ASB7: variants seen among roughly 807,000 people sequenced by gnomAD.
The protein encoded by ASB7 is ankyrin repeat and SOCS box containing 7.
ASB7 carries 4 observed loss-of-function variants against 32.5 expected under a neutral mutation model. The observed-to-expected ratio is 0.12, with a 90% CI of 0.06 to 0.28. The LOEUF (loss-of-function observed/expected upper bound fraction) is 0.28. Among genes scored for constraint, ASB7 ranks in the 10% least tolerant of loss-of-function variants. The pLI is 1.00. For missense variants in ASB7, 181 were observed against 407.1 expected (o/e 0.44, Z 4.78); for synonymous variants, 172 against 155.6 (o/e 1.11, Z -0.78).
chr15:100,611,438 C>T (rs1046208831), intron 3 of ASB7, among the ~76,000 whole-genome samples: 5 of 143,580 alleles, frequency 3.5e-5, no homozygotes, highest in East Asian at 2.1e-4. Flanking sequence ...ACTACTTTTC[C>T]TTTTAGTAAT....
At chr15:100,622,481 A>G (rs2039802761) in intron 4 of ASB7, among the ~76,000 whole-genome samples, 1 of 152,200 alleles carries the variant, frequency 6.6e-6, no homozygotes, top group Non-Finnish European at 1.5e-5. Flanking sequence ...GGAACCAAAA[A>G]AGAGCCCAAA....
At position 100,602,888 on chromosome 15, in the gene ASB7, T is replaced by A; in HGVS notation, c.-431T>A. ...CGGCCGGGATCGCCACCTCCTGCCT[T>A]CTCGGCTGTTCGGATGTTCGCCGGG... On this transcript the variant is annotated 5_prime_UTR_variant, in exon 1 of 6. Coordinates refer to ENST00000332783, the MANE Select transcript of ASB7 (RefSeq NM_198243.3). The A allele has an allele frequency of 2.5e-6, 1 of 397,724 alleles. No individual in the cohort carries two copies. The highest frequency in any genetic ancestry group is 4.4e-6 in the Non-Finnish European group (1 of 225,696). 24.6% of individuals were successfully genotyped at this position (397,724 alleles called of 1,614,324 possible).
At chr15:100,618,304 G>C (rs940077098) in intron 4 of ASB7, among the ~76,000 whole-genome samples, 1 of 151,714 alleles carries the variant, frequency 6.6e-6, no homozygotes, top group Non-Finnish European at 1.5e-5. Flanking sequence ...TAGTAGAGAC[G>C]GGGTTTCACC....
chr15:100,620,135 C>T (rs1567113699), intron 4 of ASB7, among the ~76,000 whole-genome samples: 1 of 152,166 alleles, frequency 6.6e-6, no homozygotes, highest in Non-Finnish European at 1.5e-5. Context: ...AACAAAACCA[C>T]AGATACTCAA....
At chr15:100,645,580 G>T in intron 5 of ASB7, 1 of 708,036 alleles carries the variant, frequency 1.4e-6, no homozygotes. Flanking sequence ...ACAGCTTGAC[G>T]GTGTTATATA....
chr15:100,632,980 G>A (rs1218363434), intron 5 of ASB7, among the ~76,000 whole-genome samples: 2 of 151,790 alleles, frequency 1.3e-5, no homozygotes, highest in South Asian at 4.2e-4. Flanking sequence ...CCTACAGCCA[G>A]CCCGCTGTCC....
At chr15:100,646,628 T>C (rs2039998860) in intron 5 of ASB7, 2 of 293,888 alleles carry the variant, frequency 6.8e-6, no homozygotes, top group East Asian at 8.2e-5. Flanking sequence ...TTGTGATCAG[T>C]GTAGAAGCTT....
chr15:100,645,885 C>T (rs2039994173), intron 5 of ASB7: 56 of 779,334 alleles, frequency 7.2e-5, no homozygotes, highest in South Asian at 6.9e-4. Context: ...CATCTGACCA[C>T]AGCACTGAGG....
intron 5 of ASB7, among the ~76,000 whole-genome samples, chr15:100,647,445 T>G (rs768212422): frequency 3.9e-5 from 6 of 152,244 alleles, no homozygotes; most frequent in Non-Finnish European, 7.3e-5. Context: ...ATGTTTAATA[T>G]GAAAGCAAAA....
intron 5 of ASB7, among the ~76,000 whole-genome samples, chr15:100,646,891 T>G (rs1296463145): frequency 6.6e-6 from 1 of 152,214 alleles, no homozygotes; most frequent in Non-Finnish European, 1.5e-5. Flanking sequence ...GTCAGTTTTT[T>G]CCAGAGACGA....
intron 5 of ASB7, among the ~76,000 whole-genome samples, chr15:100,633,383 C>T (rs2039898641): frequency 6.6e-6 from 1 of 151,986 alleles, no homozygotes; most frequent in Admixed American, 6.5e-5. Context: ...TTGAGGCCAG[C>T]CTGGCCAACG....
chr15:100,629,320 C>T lies in ASB7; in HGVS notation c.212-117C>T. 1 of 886,132 alleles carries T rather than the reference C, an allele frequency of 1.1e-6. No individual in the cohort carries two copies. The highest frequency in any genetic ancestry group is 1.8e-6 in the Non-Finnish European group (1 of 569,038). The allele number at this position is 886,132 out of a possible 1,614,324, so 54.9% of individuals were successfully genotyped here. A position where few individuals can be genotyped will look rare whatever the true frequency, so the allele number is the denominator to read the frequency against. ...GGAAAAACGTACTTGATATTCATTACAGTGTTTGGTTGCTTCACATTTTAT... is the reference window on the plus strand; with the variant it reads ...GGAAAAACGTACTTGATATTCATTATAGTGTTTGGTTGCTTCACATTTTAT... On this transcript the variant is annotated intron_variant, in intron 4 of 5. Coordinates refer to ENST00000332783, the MANE Select transcript of ASB7 (RefSeq NM_198243.3). The surrounding 1 kb of genome is among the most constrained non-coding windows in gnomAD (Gnocchi z 6.8).
chr15:100,619,134 T>A (rs2039769338), intron 4 of ASB7, among the ~76,000 whole-genome samples: 1 of 152,106 alleles, frequency 6.6e-6, no homozygotes, highest in African/African-American at 2.4e-5. Flanking sequence ...AAGGAAGACT[T>A]CCTAGATAAA....
At chr15:100,612,619 A>C in intron 4 of ASB7, 192 bp downstream of exon 4, 1 of 619,858 alleles carries the variant, frequency 1.6e-6, no homozygotes, top group Admixed American at 3.0e-5. Context: ...GATCAGTTTT[A>C]TGAATGGATT....
chr15:100,619,764 A>G (rs2039775131), intron 4 of ASB7, among the ~76,000 whole-genome samples: 1 of 152,188 alleles, frequency 6.6e-6, no homozygotes, highest in Non-Finnish European at 1.5e-5. Flanking sequence ...TTGTGACCAT[A>G]GTTTGGGGAG....
In ASB7 at chr15:100,612,174, C is replaced by A. The variant is rs759212969; in HGVS notation, c.-43C>A. Reference sequence around the variant, plus strand: ...ACCTTCTCTTCTTAAAGGCTGATCCCCGTAACCTAATGAATCCTTTGTAAA... The same window carrying A: ...ACCTTCTCTTCTTAAAGGCTGATCCACGTAACCTAATGAATCCTTTGTAAA... On this transcript the variant is annotated 5_prime_UTR_variant, in exon 4 of 6. Coordinates refer to ENST00000332783, the MANE Select transcript of ASB7 (RefSeq NM_198243.3). 9 of 1,537,004 alleles carry A rather than the reference C, an allele frequency of 5.9e-6. No individual in the cohort carries two copies. Among genetic ancestry groups the A allele is most frequent in the South Asian group, 1.1e-5 (1 of 88,902 alleles).
rs75072625 is a variant in ASB7, at chr15:100,608,554, C to T, written c.-173-1153C>T. On this transcript the variant is annotated intron_variant, in intron 2 of 5. Coordinates refer to ENST00000332783, the MANE Select transcript of ASB7 (RefSeq NM_198243.3). ...CCTGTGTCCCTTTGACCTCCCCCACCGTGGTGTCTTTCTTTGAGCACCTCC... is the reference window on the plus strand; with the variant it reads ...CCTGTGTCCCTTTGACCTCCCCCACTGTGGTGTCTTTCTTTGAGCACCTCC... Among the ~76,000 whole-genome samples the T allele has an allele frequency of 3.3e-4, 51 of 152,246 alleles. No homozygotes were observed. The East Asian group carries it at 5.4e-3, about 16-fold the overall frequency.
chr15:100,614,231 G>A (rs1303014998), intron 4 of ASB7, among the ~76,000 whole-genome samples: 1 of 149,088 alleles, frequency 6.7e-6, no homozygotes, highest in Admixed American at 6.8e-5. Context: ...CTGAGATCAT[G>A]CCACTGCACT....
intron 5 of ASB7, among the ~76,000 whole-genome samples, chr15:100,634,729 G>A (rs968733003): frequency 2.7e-4 from 41 of 152,130 alleles, no homozygotes; most frequent in African/African-American, 8.5e-4. Context: ...TCTTGAACCC[G>A]GGAGGCTGCA....
Sources: gnomAD v4.1 joint callset for allele counts (sites outside exome capture counted in the v4.1 genomes callset) on GRCh38, gnomAD v4.1.1 for gene constraint, Gnocchi (gnomAD v3.1) non-coding constraint, MANE v1.5 for transcripts, NCBI Gene and HGNC (gene_info 2026-07-23, HGNC 2026-07-21) for gene names.